Variants in ERBB4 observed in about 807,000 individuals in gnomAD.
ERBB4 encodes erb-b2 receptor tyrosine kinase 4, also known as receptor tyrosine-protein kinase erbB-4.
A neutral mutation model predicts 158.0 loss-of-function variants in ERBB4; 42 were observed. The ratio of observed to expected loss-of-function variants is 0.27; its 90% confidence interval spans 0.21 to 0.34. ERBB4 has a LOEUF of 0.34. ERBB4 is among the 10% of genes least tolerant of loss of function. The probability of loss-of-function intolerance (pLI) is 1.00; values close to 1 mark genes in which losing one functional copy is unlikely to be tolerated. For missense variants in ERBB4, 1,333 were observed against 1,624.1 expected (o/e 0.82, Z 3.08); for synonymous variants, 583 against 558.7 (o/e 1.04, Z -0.61).
intron 3 of ERBB4, among the ~76,000 whole-genome samples, chr2:211,848,042 C>T (rs1477373565): frequency 6.6e-6 from 1 of 152,090 alleles, no homozygotes; most frequent in Non-Finnish European, 1.5e-5. Flanking sequence ...GCTTAAGACC[C>T]CATGTTCCTA....
At chr2:211,602,409 C>G (rs1490565463) in intron 19 of ERBB4, among the ~76,000 whole-genome samples, 1 of 152,018 alleles carries the variant, frequency 6.6e-6, no homozygotes, top group Non-Finnish European at 1.5e-5. Context: ...CACCCACTCC[C>G]CCACAGCAGC....
At chr2:212,352,755 C>T (rs536789992) in intron 1 of ERBB4, among the ~76,000 whole-genome samples, 1 of 152,096 alleles carries the variant, frequency 6.6e-6, no homozygotes, top group African/African-American at 2.4e-5. Flanking sequence ...GTAATCCCAG[C>T]TACTTGGGAG....
At chr2:212,345,277 A>AAAAAAAAAAAAAAAAAAAAAAAAAAAAC (rs2088940751) in intron 1 of ERBB4, among the ~76,000 whole-genome samples, 1 of 148,664 alleles carries the variant, frequency 6.7e-6, no homozygotes, top group African/African-American at 2.5e-5. Context: ...AAAAAAAAAA[A>AAAAAAAAAAAAAAAAAAAAAAAAAAAAC]GCACTAAACA....
chr2:211,856,990 GTTA>G (rs2077883734), intron 3 of ERBB4, among the ~76,000 whole-genome samples: 2 of 151,894 alleles, frequency 1.3e-5, no homozygotes, highest in Admixed American at 6.6e-5. Context: ...TATTTAAAAA[GTTA>G]TTATATGTAA....
chr2:212,480,994 T>A (rs1213222653), intron 1 of ERBB4, among the ~76,000 whole-genome samples: 1 of 152,194 alleles, frequency 6.6e-6, no homozygotes, highest in Non-Finnish European at 1.5e-5. Flanking sequence ...AAATTTAGTA[T>A]GCTGATGTAA....
chr2:211,832,623 T>C (rs2077248309), intron 3 of ERBB4, among the ~76,000 whole-genome samples: 1 of 150,566 alleles, frequency 6.6e-6, no homozygotes, highest in African/African-American at 2.4e-5. Flanking sequence ...TATATATACA[T>C]ATATATACAC....
rs2125304864 is a variant in ERBB4, at chr2:211,382,569, C to A, written c.*1046G>T. On this transcript the variant is annotated 3_prime_UTR_variant, in exon 28 of 28. Coordinates refer to ENST00000342788, the MANE Select transcript of ERBB4 (RefSeq NM_005235.3). ...TCTGAGTATCTGCCAGGTAGACATACCCAATCCAGTGTGTTTCTTCCAGTT... is the reference window on the plus strand; with the variant it reads ...TCTGAGTATCTGCCAGGTAGACATAACCAATCCAGTGTGTTTCTTCCAGTT... 2 of 233,040 alleles carry A rather than the reference C, an allele frequency of 8.6e-6. No individual in the cohort carries two copies. Among genetic ancestry groups the A allele is most frequent in the East Asian group, 1.2e-4 (2 of 16,480 alleles). 14.4% of individuals were successfully genotyped at this position (233,040 alleles called of 1,614,324 possible). A position where few individuals can be genotyped will look rare whatever the true frequency, so the allele number is the denominator to read the frequency against.
chr2:212,368,018 C>T lies in ERBB4; in HGVS notation c.82+170431G>A, dbSNP rs148045145. On this transcript the variant is annotated intron_variant, in intron 1 of 27. Coordinates refer to ENST00000342788, the MANE Select transcript of ERBB4 (RefSeq NM_005235.3). ...ACTAGTACAGCCACTATAAAAACAA[C>T]GTGGGGATTCCTTAAAGAACTAAAA... Among the ~76,000 whole-genome samples the T allele has an allele frequency of 1.7e-3, 261 of 152,176 alleles. 2 individuals are homozygous for T. The highest frequency in any genetic ancestry group is 5.9e-3 in the African/African-American group (246 of 41,532).
chr2:212,189,834 G>A (rs1011090790), intron 1 of ERBB4, among the ~76,000 whole-genome samples: 6 of 152,116 alleles, frequency 3.9e-5, no homozygotes, highest in Admixed American at 2.0e-4. Context: ...TACATGCTAA[G>A]ATTTTAAATT....
intron 1 of ERBB4, among the ~76,000 whole-genome samples, chr2:212,379,484 A>T (rs1408524014): frequency 6.6e-6 from 1 of 151,690 alleles, no homozygotes; most frequent in Non-Finnish European, 1.5e-5. Context: ...AATAGAGTCA[A>T]CATTTGTGTA....
intron 1 of ERBB4, among the ~76,000 whole-genome samples, chr2:212,161,028 GAT>G (rs1476533949): frequency 1.3e-5 from 2 of 151,966 alleles, no homozygotes; most frequent in Admixed American, 6.6e-5. Context: ...ACTGAAAAGT[GAT>G]ATGTTTAATA....
chr2:212,326,073 T>G (rs549716732), intron 1 of ERBB4, among the ~76,000 whole-genome samples: 1 of 150,618 alleles, frequency 6.6e-6, no homozygotes, highest in African/African-American at 2.4e-5. Flanking sequence ...TTATCCACCA[T>G]AGTATAATCC....
At chr2:211,717,628 A>T (rs2073961223) in intron 7 of ERBB4, among the ~76,000 whole-genome samples, 1 of 152,104 alleles carries the variant, frequency 6.6e-6, no homozygotes, top group Non-Finnish European at 1.5e-5. Flanking sequence ...TCAGGAGTTC[A>T]AGACAGCCTG....
intron 1 of ERBB4, among the ~76,000 whole-genome samples, chr2:212,220,428 C>A (rs550945958): frequency 6.6e-6 from 1 of 151,348 alleles, no homozygotes; most frequent in East Asian, 1.9e-4. Flanking sequence ...ATTGCTTTGA[C>A]CTAGTTATAA....
intron 1 of ERBB4, among the ~76,000 whole-genome samples, chr2:212,512,546 C>A (rs1691584269): frequency 6.6e-6 from 1 of 152,072 alleles, no homozygotes; most frequent in African/African-American, 2.4e-5. Flanking sequence ...TCATTTCTTG[C>A]CTTCTCACAA....
At chr2:212,416,588 A>G (rs13385225) in intron 1 of ERBB4, among the ~76,000 whole-genome samples, 14,087 of 152,166 alleles carry the variant, frequency 0.093, 889 homozygotes, top group Non-Finnish European at 0.15. Flanking sequence ...TAAAATACAA[A>G]TAAAGCCCTT....
At chr2:212,395,614 C>CTTTTTTTTTTTT (rs760604732) in intron 1 of ERBB4, among the ~76,000 whole-genome samples, 1 of 84,736 alleles carries the variant, frequency 1.2e-5, no homozygotes, top group Non-Finnish European at 2.2e-5. Context: ...CAGTTACACT[C>CTTTTTTTTTTTT]TTTTTTTTTT....
intron 1 of ERBB4, among the ~76,000 whole-genome samples, chr2:212,531,633 A>G (rs1692763195): frequency 6.6e-6 from 1 of 152,168 alleles, no homozygotes; most frequent in South Asian, 2.1e-4. Flanking sequence ...ATCCTTTACA[A>G]TCCATCTTAT....
intron 3 of ERBB4, among the ~76,000 whole-genome samples, chr2:211,913,263 G>C (rs1370978227): frequency 6.6e-6 from 1 of 152,186 alleles, no homozygotes; most frequent in African/African-American, 2.4e-5. Context: ...AATAAACATA[G>C]AATGTGGCCT....
Sources: allele counts gnomAD v4.1 joint callset (sites outside exome capture counted in the v4.1 genomes callset), GRCh38; gene constraint gnomAD v4.1.1; transcripts MANE v1.5; gene names NCBI Gene and HGNC (gene_info 2026-07-23, HGNC 2026-07-21).